Variants in SENP7 observed in about 807,000 individuals in gnomAD.
SENP7 encodes the protein sentrin-specific protease 7.
In SENP7, 64 loss-of-function variants were observed where a neutral mutation model predicts 141.2. The observed-to-expected ratio is 0.45, with a 90% CI of 0.37 to 0.56. The LOEUF is 0.56. Ranked by LOEUF, SENP7 falls within the 20% of genes least tolerant of loss-of-function variation. The probability of loss-of-function intolerance (pLI) is 0.00; values close to 1 mark genes in which losing one functional copy is unlikely to be tolerated. For missense variants in SENP7, 1,025 were observed against 1,212.2 expected, an observed-to-expected ratio of 0.85 and a Z score of 2.29; for synonymous variants, 382 against 426.4, an observed-to-expected ratio of 0.90 and a Z score of 1.28.
rs749197532 is a variant in SENP7, at chr3:101,458,955, C to G, written c.284G>C (p.Arg95Thr). Residue 95 changes from arginine to threonine, a missense_variant and splice_region_variant, in exon 4 of 24, where the codon AGG becomes ACG. Around this residue, in one of 4 missense-constraint regions of SENP7, gnomAD observed 496 missense variants for 503.5 expected, o/e 0.99. Transcript: ENST00000394095. ...CPVTSKSSPE[R>T]QLKVMLTNVL... ...TATGTCGCACACACACATATCTTAC[C>G]TTTCTGGTGATGACTTGGAAGTAAC... The G allele has an allele frequency of 1.9e-6, 3 of 1,584,024 alleles. No homozygotes were observed.
At chr3:101,446,188 C>A (rs2062887116) in intron 4 of SENP7, among the ~76,000 whole-genome samples, 1 of 152,218 alleles carries the variant, frequency 6.6e-6, no homozygotes, top group Admixed American at 6.5e-5. Context: ...CACTAGCTTC[C>A]TCCTCACCTT....
chr3:101,457,817 A>T (rs1039304083), intron 4 of SENP7: 1 of 582,220 alleles, frequency 1.7e-6, no homozygotes, highest in Non-Finnish European at 3.1e-6. Context: ...AGGCGCACAC[A>T]TGCGGAGATG....
chr3:101,505,438 A>T (rs1046086009), intron 1 of SENP7, among the ~76,000 whole-genome samples: 5 of 152,238 alleles, frequency 3.3e-5, no homozygotes, highest in African/African-American at 1.2e-4. Flanking sequence ...CTGGGTTAAA[A>T]GTGCTTCCAT....
chr3:101,431,508 CTTTTTTTT>C (rs56937965), intron 4 of SENP7, among the ~76,000 whole-genome samples: 1 of 82,908 alleles, frequency 1.2e-5, no homozygotes, highest in Non-Finnish European at 2.2e-5. Flanking sequence ...GCAACCCCTG[CTTTTTTTT>C]TTTTTTTTTT....
chr3:101,505,675 A>C (rs996248369), intron 1 of SENP7, among the ~76,000 whole-genome samples: 1 of 152,188 alleles, frequency 6.6e-6, no homozygotes, highest in Admixed American at 6.5e-5. Context: ...TCAAGAGTAC[A>C]TATTTTAAAG....
At chr3:101,510,843 C>CAAAAAAAA (rs377579284) in intron 1 of SENP7, among the ~76,000 whole-genome samples, 1,619 of 78,044 alleles carry the variant, frequency 0.021, 125 homozygotes, top group African/African-American at 0.049. Flanking sequence ...GACTCCATCT[C>CAAAAAAAA]AAAAAAAAAA....
intron 6 of SENP7, among the ~76,000 whole-genome samples, chr3:101,396,608 T>C (rs550113657): frequency 1.6e-4 from 25 of 152,306 alleles, no homozygotes; most frequent in African/African-American, 5.8e-4. Flanking sequence ...GTGAGGTACA[T>C]AGGGCATTCA....
intron 1 of SENP7, among the ~76,000 whole-genome samples, chr3:101,506,019 A>ATTTTTTTTTTTTTTTTTTTT (rs143265103): frequency 7.0e-6 from 1 of 142,126 alleles, no homozygotes. Context: ...TTTATTCCAT[A>ATTTTTTTTTTTTTTTTTTTT]ATTTTTTTTT....
intron 5 of SENP7, among the ~76,000 whole-genome samples, chr3:101,412,541 T>TA (rs1391715176): frequency 6.6e-6 from 1 of 152,098 alleles, no homozygotes; most frequent in Non-Finnish European, 1.5e-5. Flanking sequence ...CTGGAATACG[T>TA]AATTCTTTTT....
At chr3:101,478,902 G>T (rs1190868761) in intron 3 of SENP7, among the ~76,000 whole-genome samples, 1 of 152,058 alleles carries the variant, frequency 6.6e-6, no homozygotes, top group East Asian at 1.9e-4. Context: ...TTCAACATAT[G>T]CAAATCAATA....
At chr3:101,474,053 T>C (rs2064117616) in intron 3 of SENP7, among the ~76,000 whole-genome samples, 2 of 152,178 alleles carry the variant, frequency 1.3e-5, no homozygotes, top group Admixed American at 1.3e-4. Flanking sequence ...AGGTATGCAG[T>C]CTTATTTCTG....
chr3:101,468,073 A>G lies in SENP7; in HGVS notation c.187-9021T>C, dbSNP rs561134476. ...CTTCGTGACACATGCACAAGCTTCG[A>G]TAGACAATTCAGTCAAGTGGAAGAA... On this transcript the variant is annotated intron_variant, in intron 3 of 23. Coordinates refer to ENST00000394095, the MANE Select transcript of SENP7 (RefSeq NM_020654.5). 2.0e-5 allele frequency among the ~76,000 whole-genome samples: 3 copies of G among 152,338 alleles called. No homozygotes were observed. The East Asian group carries it at 5.8e-4, about 29-fold the overall frequency.
At chr3:101,509,557 C>T (rs1237291173) in intron 1 of SENP7, among the ~76,000 whole-genome samples, 1 of 152,200 alleles carries the variant, frequency 6.6e-6, no homozygotes, top group African/African-American at 2.4e-5. Context: ...TTAAGACCTT[C>T]CTCACTCTAT....
At chr3:101,374,137 C>G (rs1299216073) in intron 6 of SENP7, among the ~76,000 whole-genome samples, 1 of 151,942 alleles carries the variant, frequency 6.6e-6, no homozygotes, top group African/African-American at 2.4e-5. Context: ...AAACAGAACC[C>G]AGGAACAAAC....
intron 3 of SENP7, among the ~76,000 whole-genome samples, chr3:101,459,966 A>T (rs1360832668): frequency 1.3e-5 from 2 of 152,336 alleles, no homozygotes; most frequent in South Asian, 4.1e-4. Flanking sequence ...AAAATACTCA[A>T]TAATAAATTT....
chr3:101,358,212 C>A, intron 11 of SENP7: 1 of 718,668 alleles, frequency 1.4e-6, no homozygotes, highest in South Asian at 1.4e-5. Flanking sequence ...CTGGTTTAGT[C>A]AAGCCTCACT....
intron 10 of SENP7, 132 bp downstream of exon 10, chr3:101,364,702 A>G: frequency 1.7e-6 from 1 of 583,558 alleles, no homozygotes; most frequent in Non-Finnish European, 2.8e-6. Flanking sequence ...CTACTATAAA[A>G]GTTGTCTGAA....
At chr3:101,383,519 G>A (rs1576171437) in intron 6 of SENP7, among the ~76,000 whole-genome samples, 1 of 152,184 alleles carries the variant, frequency 6.6e-6, no homozygotes, top group East Asian at 1.9e-4. Flanking sequence ...AAGGAGCCCA[G>A]GAAGGCCCCC....
intron 4 of SENP7, among the ~76,000 whole-genome samples, chr3:101,451,622 T>C (rs1462060313): frequency 6.6e-6 from 1 of 152,216 alleles, no homozygotes; most frequent in Admixed American, 6.5e-5. Flanking sequence ...ACCATATGAT[T>C]ATCTCAACAG....
Sources: allele counts gnomAD v4.1 joint callset (sites outside exome capture counted in the v4.1 genomes callset), GRCh38; gene constraint gnomAD v4.1.1; regional missense constraint gnomAD v4.1.1; transcripts MANE v1.5; gene names NCBI Gene and HGNC (gene_info 2026-07-23, HGNC 2026-07-21).